NBAS: variants seen among roughly 807,000 people sequenced by gnomAD.
NBAS encodes NBAS subunit of NRZ tethering complex.
In NBAS, 219 loss-of-function variants were observed where a neutral mutation model predicts 302.5. That is an observed-to-expected ratio of 0.72 (90% CI 0.65 to 0.81). The LOEUF (loss-of-function observed/expected upper bound fraction) is 0.81, where lower values mean the gene tolerates loss of function less well. Among genes scored for constraint, NBAS ranks in the 30% least tolerant of loss-of-function variants. The pLI is 0.00. For synonymous variants in NBAS, 1,118 were observed against 1,021.6 expected (o/e 1.09, Z -1.80); for missense variants, 2,932 against 2,841.6 (o/e 1.03, Z -0.72).
At chr2:15,085,148 T>G in the NBAS span, among the ~76,000 whole-genome samples, 2 of 152,144 alleles carry the variant, frequency 1.3e-5, no homozygotes, top group African/African-American at 4.8e-5. Flanking sequence ...GAGGCAGAGC[T>G]GGGCCCGGGG....
chr2:15,477,787 AT>A lies in NBAS; in HGVS notation c.1147+438del, dbSNP rs527280717. 5.5e-3 allele frequency among the ~76,000 whole-genome samples: 845 copies of A among 152,256 alleles called. 8 individuals are homozygous for A. The highest frequency in any genetic ancestry group is 0.016 in the African/African-American group (668 of 41,550). On this transcript the variant is annotated intron_variant, in intron 13 of 51. Coordinates refer to ENST00000281513, the MANE Select transcript of NBAS (RefSeq NM_015909.4). ...TACTTTTATTTAAATGTAAATCTTG[AT>A]TTTTTTCTACTTATAAAAGCAATAT...
the NBAS span, among the ~76,000 whole-genome samples, chr2:14,803,541 T>C: frequency 6.6e-6 from 1 of 152,216 alleles, no homozygotes; most frequent in Non-Finnish European, 1.5e-5. Context: ...TAGGAGTTAC[T>C]CATTTGTTTC....
chr2:15,341,698 G>A (rs1228967656), intron 35 of NBAS, among the ~76,000 whole-genome samples: 1 of 152,100 alleles, frequency 6.6e-6, no homozygotes, highest in Non-Finnish European at 1.5e-5. Flanking sequence ...AAGAGGAAGC[G>A]ACTAGTATAA....
intron 6 of NBAS, among the ~76,000 whole-genome samples, chr2:15,545,423 C>A (rs554943095): frequency 2.0e-5 from 3 of 152,052 alleles, no homozygotes; most frequent in African/African-American, 7.2e-5. Flanking sequence ...TCTGGCCTGA[C>A]TGATTTAAGA....
chr2:15,145,397 T>TTG, the NBAS span, among the ~76,000 whole-genome samples: 4 of 90,898 alleles, frequency 4.4e-5, no homozygotes, highest in South Asian at 5.1e-4. Context: ...ATGTGTTTGT[T>TTG]TGTATGTGTG....
the NBAS span, among the ~76,000 whole-genome samples, chr2:14,920,535 A>G: frequency 6.6e-6 from 1 of 152,180 alleles, no homozygotes; most frequent in Non-Finnish European, 1.5e-5. Context: ...AGTCTTAGAT[A>G]GTATCATTTC....
the NBAS span, among the ~76,000 whole-genome samples, chr2:14,982,156 C>T: frequency 0.074 from 11,239 of 152,172 alleles, 1,102 homozygotes; most frequent in African/African-American, 0.21. Context: ...ATGGAGAGGC[C>T]ATGCATAGCT....
At chr2:15,149,513 T>A in the NBAS span, among the ~76,000 whole-genome samples, 1 of 152,184 alleles carries the variant, frequency 6.6e-6, no homozygotes, top group African/African-American at 2.4e-5. Flanking sequence ...TGACACAGGG[T>A]CTCACACTGT....
the NBAS span, among the ~76,000 whole-genome samples, chr2:14,940,968 T>G: frequency 6.6e-6 from 1 of 152,242 alleles, no homozygotes; most frequent in Non-Finnish European, 1.5e-5. Flanking sequence ...CCTAGCCCAG[T>G]CCTTCTAAAT....
chr2:15,376,043 G>A (rs983569438), intron 30 of NBAS, among the ~76,000 whole-genome samples: 40 of 152,102 alleles, frequency 2.6e-4, no homozygotes, highest in African/African-American at 7.5e-4. Flanking sequence ...TAAAAATGAT[G>A]GAAGGATAAA....
At chr2:15,218,516 C>A (rs1411945341) in intron 48 of NBAS, among the ~76,000 whole-genome samples, 2 of 152,134 alleles carry the variant, frequency 1.3e-5, no homozygotes, top group African/African-American at 4.8e-5. Context: ...CTCCATCTCC[C>A]AGGTTTAAGC....
intron 47 of NBAS, among the ~76,000 whole-genome samples, chr2:15,230,393 CAAAAAAAAAAA>C (rs35319491): frequency 1.1e-5 from 1 of 90,526 alleles, no homozygotes; most frequent in African/African-American, 3.8e-5. Context: ...ATTTTTTAGG[CAAAAAAAAAAA>C]AAAAAAAAAA....
the NBAS span, among the ~76,000 whole-genome samples, chr2:15,150,940 T>C: frequency 1.3e-5 from 2 of 152,084 alleles, no homozygotes; most frequent in African/African-American, 4.8e-5. Flanking sequence ...AAACCTATAG[T>C]GAGGAACTTT....
chr2:15,471,156 C>T lies in NBAS; in HGVS notation c.1725+2066G>A, dbSNP rs181536327. On this transcript the variant is annotated intron_variant, in intron 16 of 51. Coordinates refer to ENST00000281513, the MANE Select transcript of NBAS (RefSeq NM_015909.4). ...CCCTCAACTCCCTCAGAGACAAAAA[C>T]TGTCCTTTACTGTATCCCAGAAAAA... 1.7e-3 allele frequency among the ~76,000 whole-genome samples: 254 copies of T among 152,284 alleles called. 5 individuals are homozygous for T. The South Asian group carries it at 0.048, about 29-fold the overall frequency.
chr2:15,105,071 T>G, the NBAS span, among the ~76,000 whole-genome samples: 1 of 152,090 alleles, frequency 6.6e-6, no homozygotes, highest in Admixed American at 6.6e-5. Context: ...TGGGATACTA[T>G]GCAGCCATAA....
At chr2:15,354,586 T>C (rs546907681) in intron 33 of NBAS, among the ~76,000 whole-genome samples, 7 of 152,372 alleles carry the variant, frequency 4.6e-5, no homozygotes, top group African/African-American at 7.2e-5. Context: ...GTTAATATTA[T>C]GGAACACAGC....
At chr2:15,032,668 G>C in the NBAS span, among the ~76,000 whole-genome samples, 1 of 152,216 alleles carries the variant, frequency 6.6e-6, no homozygotes, top group African/African-American at 2.4e-5. Context: ...AACATGTTCA[G>C]AAGAGAGCAT....
intron 40 of NBAS, among the ~76,000 whole-genome samples, chr2:15,293,362 T>C (rs1670405000): frequency 6.6e-6 from 1 of 152,182 alleles, no homozygotes; most frequent in African/African-American, 2.4e-5. Flanking sequence ...ACTCCTCTAA[T>C]TTGGGGCTCA....
At chr2:15,348,463 C>T (rs532397995) in intron 35 of NBAS, among the ~76,000 whole-genome samples, 1 of 152,154 alleles carries the variant, frequency 6.6e-6, no homozygotes, top group East Asian at 1.9e-4. Context: ...AGAGGCCAGG[C>T]TGACATTTTA....
Sources: allele counts gnomAD v4.1 joint callset (sites outside exome capture counted in the v4.1 genomes callset), GRCh38; gene constraint gnomAD v4.1.1; transcripts MANE v1.5; gene names NCBI Gene and HGNC (gene_info 2026-07-23, HGNC 2026-07-21).